NKAIN2: variants seen among roughly 807,000 people sequenced by gnomAD.
NKAIN2 encodes the protein sodium/potassium-transporting ATPase subunit beta-1-interacting protein 2.
In NKAIN2, 14 loss-of-function variants were observed where a neutral mutation model predicts 32.6. That is an observed-to-expected ratio of 0.43 (90% confidence interval 0.28 to 0.67). The LOEUF is 0.67. Among genes scored for constraint, NKAIN2 ranks in the 30% least tolerant of loss-of-function variants. The pLI is 0.17. For synonymous variants in NKAIN2, 80 were observed against 87.2 expected (o/e 0.92, Z 0.46); for missense variants, 198 against 258.3 (o/e 0.77, Z 1.60).
intron 1 of NKAIN2, among the ~76,000 whole-genome samples, chr6:124,089,626 G>A (rs1380110112): frequency 1.3e-5 from 2 of 151,816 alleles, no homozygotes; most frequent in Admixed American, 1.3e-4. Flanking sequence ...GACTATTGCA[G>A]GCAAACTCTG....
intron 3 of NKAIN2, among the ~76,000 whole-genome samples, chr6:124,377,994 T>C (rs1403130400): frequency 2.6e-5 from 4 of 152,108 alleles, no homozygotes; most frequent in African/African-American, 7.2e-5. Flanking sequence ...TCCTGCCACA[T>C]TGTGTCAACC....
At chr6:124,740,446 A>ATGTGTGTGTG (rs1777148038) in intron 4 of NKAIN2, among the ~76,000 whole-genome samples, 1 of 36,270 alleles carries the variant, frequency 2.8e-5, no homozygotes, top group African/African-American at 9.0e-5. Flanking sequence ...ACACATATAC[A>ATGTGTGTGTG]CGTGTGTGTG....
chr6:124,012,697 A>G (rs1298964071), intron 1 of NKAIN2, among the ~76,000 whole-genome samples: 1 of 152,270 alleles, frequency 6.6e-6, no homozygotes. Flanking sequence ...ATTCCATTTT[A>G]TGGATGTACC....
rs548222061 is a variant in NKAIN2 at position 123,979,220 on chromosome 6, A to T, written c.54+174966A>T. Among the ~76,000 whole-genome samples the T allele has an allele frequency of 2.6e-5, 4 of 152,310 alleles. No homozygotes were observed. In the South Asian group the frequency reaches 8.3e-4, roughly 32 times the overall value. ...AAATAGCTTATATAATTTTTAAAGA[A>T]ATATTTTAATGTCAATTTAAAACCT... On this transcript the variant is annotated intron_variant, in intron 1 of 6. Coordinates refer to ENST00000368417, the MANE Select transcript of NKAIN2 (RefSeq NM_001040214.3).
rs554179439 is a variant in NKAIN2 at position 124,232,083 on chromosome 6, G to A, written c.55-50922G>A. ...AGATCTCACAAACTTTTTAAGAATC[G>A]GTCGACATTCAAATATTTTCTGCCC... On this transcript the variant is annotated intron_variant, in intron 1 of 6. Transcript: ENST00000368417. Among the ~76,000 whole-genome samples the A allele has an allele frequency of 3.9e-5, 6 of 151,938 alleles. No homozygotes were observed. In the South Asian group the frequency reaches 8.3e-4, roughly 21 times the overall value.
At chr6:123,812,732 G>T (rs1773528174) in intron 1 of NKAIN2, among the ~76,000 whole-genome samples, 1 of 152,196 alleles carries the variant, frequency 6.6e-6, no homozygotes, top group African/African-American at 2.4e-5. Flanking sequence ...ATTTGCCTTA[G>T]GCGGGGGAGT....
At chr6:124,326,555 A>G (rs1271477887) in intron 2 of NKAIN2, among the ~76,000 whole-genome samples, 2 of 152,162 alleles carry the variant, frequency 1.3e-5, no homozygotes, top group African/African-American at 2.4e-5. Flanking sequence ...ATTTGCAGTT[A>G]CAGGACTTTG....
intron 1 of NKAIN2, among the ~76,000 whole-genome samples, chr6:124,131,810 G>A (rs1786493039): frequency 6.6e-6 from 1 of 152,090 alleles, no homozygotes; most frequent in African/African-American, 2.4e-5. Context: ...GAATTAGGGA[G>A]GGCTTGCAGG....
At chr6:124,759,587 CAACACACACACACACACACACA>C (rs1562367520) in intron 4 of NKAIN2, among the ~76,000 whole-genome samples, 4 of 102,364 alleles carry the variant, frequency 3.9e-5, no homozygotes, top group African/African-American at 1.6e-4. Flanking sequence ...TCTGAAATTG[CAACACACACACACACACACACA>C]CACACACACA....
chr6:124,653,193 A>G (rs1204122064), intron 3 of NKAIN2, among the ~76,000 whole-genome samples: 2 of 152,248 alleles, frequency 1.3e-5, no homozygotes, highest in South Asian at 2.1e-4. Flanking sequence ...AGACGAAACT[A>G]TATTGAAGGA....
chr6:124,420,893 A>G (rs1774716357), intron 3 of NKAIN2, among the ~76,000 whole-genome samples: 1 of 151,946 alleles, frequency 6.6e-6, no homozygotes, highest in Non-Finnish European at 1.5e-5. Context: ...GACGAGTAGC[A>G]TTTGTTGTTA....
chr6:123,875,745 C>T (rs1202073282), intron 1 of NKAIN2, among the ~76,000 whole-genome samples: 1 of 151,992 alleles, frequency 6.6e-6, no homozygotes, highest in Admixed American at 6.6e-5. Flanking sequence ...TATAGCTTTA[C>T]TTAAAATTTT....
chr6:124,780,544 C>T (rs954528861), intron 4 of NKAIN2, among the ~76,000 whole-genome samples: 1 of 152,164 alleles, frequency 6.6e-6, no homozygotes, highest in East Asian at 1.9e-4. Context: ...AGTAGAGGAA[C>T]TGCCAGAGAT....
rs79872901 is a variant in NKAIN2 at position 124,820,882 on chromosome 6, C to G, written c.618-2338C>G. ...CAGTTTCATCCTGAAACCATTCCCC[C>G]CAACCCTGGTCTATGGGAAAATTGT... On this transcript the variant is annotated intron_variant, in intron 6 of 6. Transcript: ENST00000368417. Among the ~76,000 whole-genome samples, 1,207 of 152,238 alleles carry G rather than the reference C, an allele frequency of 7.9e-3. 14 individuals are homozygous for G. The highest frequency in any genetic ancestry group is 8.9e-3 in the Non-Finnish European group (607 of 68,002).
chr6:124,246,206 C>G (rs922904109), intron 1 of NKAIN2, among the ~76,000 whole-genome samples: 8 of 152,068 alleles, frequency 5.3e-5, no homozygotes, highest in Admixed American at 3.9e-4. Context: ...ATAGTCCATT[C>G]TTACTGCAGT....
chr6:124,430,512 G>A (rs1458312247), intron 3 of NKAIN2, among the ~76,000 whole-genome samples: 3 of 152,244 alleles, frequency 2.0e-5, no homozygotes, highest in African/African-American at 4.8e-5. Flanking sequence ...TCACTCACAT[G>A]TCTGGTAACT....
chr6:124,636,287 T>C (rs1461471678), intron 3 of NKAIN2, among the ~76,000 whole-genome samples: 1 of 151,674 alleles, frequency 6.6e-6, no homozygotes, highest in East Asian at 1.9e-4. Context: ...AACGCAATAC[T>C]AAGTAGAAAG....
At chr6:123,881,229 C>A (rs1222413622) in intron 1 of NKAIN2, among the ~76,000 whole-genome samples, 1 of 152,134 alleles carries the variant, frequency 6.6e-6, no homozygotes, top group Non-Finnish European at 1.5e-5. Flanking sequence ...ACCATGTTGG[C>A]CAGGCTGGTC....
chr6:124,430,683 G>A (rs745618911), intron 3 of NKAIN2, among the ~76,000 whole-genome samples: 5 of 151,444 alleles, frequency 3.3e-5, no homozygotes, highest in Non-Finnish European at 4.4e-5. Flanking sequence ...AAAAAAAAAT[G>A]GTGGAAATGT....
Sources: gnomAD v4.1 joint callset for allele counts (sites outside exome capture counted in the v4.1 genomes callset) on GRCh38, gnomAD v4.1.1 for gene constraint, MANE v1.5 for transcripts, NCBI Gene and HGNC (gene_info 2026-07-23, HGNC 2026-07-21) for gene names.